Variants in LRRC4C observed in about 807,000 individuals in gnomAD.
LRRC4C encodes leucine rich repeat containing 4C, also known as leucine-rich repeat-containing protein 4C.
Under a neutral mutation model 33.6 loss-of-function variants are expected in LRRC4C, and 5 were observed. The observed-to-expected ratio is 0.15, with a 90% CI of 0.08 to 0.31. The LOEUF is 0.31. LRRC4C is among the 10% of genes least tolerant of loss of function. The probability of loss-of-function intolerance (pLI) is 1.00; values close to 1 mark genes in which losing one functional copy is unlikely to be tolerated. For synonymous variants in LRRC4C, 329 were observed against 302.0 expected, an observed-to-expected ratio of 1.09 and a Z score of -0.93; for missense variants, 560 against 796.7, an observed-to-expected ratio of 0.70 and a Z score of 3.58.
At chr11:40,317,590 A>G (rs1438346501) in intron 4 of LRRC4C, among the ~76,000 whole-genome samples, 2 of 152,054 alleles carry the variant, frequency 1.3e-5, no homozygotes, top group Non-Finnish European at 2.9e-5. Flanking sequence ...ATGCCCTTCT[A>G]TGTGTTTCAT....
At chr11:40,943,916 G>C (rs1002634222) in intron 1 of LRRC4C, among the ~76,000 whole-genome samples, 1 of 152,142 alleles carries the variant, frequency 6.6e-6, no homozygotes, top group Non-Finnish European at 1.5e-5. Context: ...CCAGAAAAAA[G>C]ACTGACTTGA....
At chr11:40,358,615 C>G (rs1447283012) in intron 3 of LRRC4C, among the ~76,000 whole-genome samples, 1 of 152,108 alleles carries the variant, frequency 6.6e-6, no homozygotes, top group Non-Finnish European at 1.5e-5. Flanking sequence ...GTCTCCTATA[C>G]TAAGCTGCCT....
At chr11:41,198,857 TTTACTGAACAG>T (rs1273641353) in intron 1 of LRRC4C, among the ~76,000 whole-genome samples, 2 of 152,084 alleles carry the variant, frequency 1.3e-5, no homozygotes. Flanking sequence ...GAATGCTATA[TTTACTGAACAG>T]TTAGTGAACT....
intron 2 of LRRC4C, among the ~76,000 whole-genome samples, chr11:40,725,862 A>AG (rs1947268685): frequency 1.3e-5 from 2 of 152,196 alleles, no homozygotes; most frequent in Admixed American, 1.3e-4. Flanking sequence ...CAAGCCTATT[A>AG]CATCTTGCCT....
chr11:41,442,468 T>TTTTTTC (rs1955658393), intron 1 of LRRC4C, among the ~76,000 whole-genome samples: 2 of 106,534 alleles, frequency 1.9e-5, no homozygotes, highest in African/African-American at 7.5e-5. Context: ...CTTTTTTTTT[T>TTTTTTC]TTTTTTTTTT....
At chr11:40,226,333 A>G (rs1203721956) in intron 5 of LRRC4C, among the ~76,000 whole-genome samples, 1 of 152,190 alleles carries the variant, frequency 6.6e-6, no homozygotes, top group Non-Finnish European at 1.5e-5. Flanking sequence ...GAAAGGCTCT[A>G]TATACTTCCT....
intron 3 of LRRC4C, chr11:40,446,699 A>G (rs1489317311): frequency 6.6e-6 from 1 of 152,212 alleles, no homozygotes; most frequent in African/African-American, 2.4e-5. Flanking sequence ...GAAACTTAAC[A>G]ATCGTGGTGG....
chr11:40,788,559 C>T (rs945832024), intron 2 of LRRC4C, among the ~76,000 whole-genome samples: 2 of 152,174 alleles, frequency 1.3e-5, no homozygotes. Context: ...CTGTTTCTGG[C>T]AATTGAATAA....
At chr11:41,111,253 A>G (rs1941813611) in intron 1 of LRRC4C, among the ~76,000 whole-genome samples, 1 of 152,070 alleles carries the variant, frequency 6.6e-6, no homozygotes, top group Admixed American at 6.6e-5. Flanking sequence ...TACTCTTTAC[A>G]ACTTCTTGAT....
chr11:40,932,921 G>C (rs914640710), intron 2 of LRRC4C, among the ~76,000 whole-genome samples: 2 of 152,164 alleles, frequency 1.3e-5, no homozygotes, highest in Non-Finnish European at 2.9e-5. Flanking sequence ...CATGATTCTT[G>C]CCTGCATAGA....
intron 3 of LRRC4C, among the ~76,000 whole-genome samples, chr11:40,336,508 GCCA>G (rs934629326): frequency 1.3e-5 from 2 of 152,140 alleles, no homozygotes; most frequent in African/African-American, 4.8e-5. Context: ...TCTCACTGCT[GCCA>G]CCAAGGTTCA....
At chr11:40,563,614 A>G (rs936156180) in intron 3 of LRRC4C, among the ~76,000 whole-genome samples, 1 of 152,176 alleles carries the variant, frequency 6.6e-6, no homozygotes, top group African/African-American at 2.4e-5. Flanking sequence ...GATATAAAGT[A>G]CATGGGCTAA....
rs573995151 is a variant in LRRC4C, at chr11:41,161,053, A to G, written c.-495-227330T>C. 2.6e-5 allele frequency among the ~76,000 whole-genome samples: 4 copies of G among 152,300 alleles called. No homozygotes were observed. The South Asian group carries it at 8.3e-4, about 32-fold the overall frequency. ...CATCTAAACAGAGCAGCAGTTCTGT[A>G]GAAGACTAATAAACCATGTGTTTCC... On this transcript the variant is annotated intron_variant, in intron 1 of 6. Transcript: ENST00000528697.
At chr11:41,280,240 A>G (rs1312860054) in intron 1 of LRRC4C, among the ~76,000 whole-genome samples, 2 of 152,166 alleles carry the variant, frequency 1.3e-5, no homozygotes, top group Non-Finnish European at 2.9e-5. Flanking sequence ...TCTCACCACG[A>G]AAGTCAGGCT....
Position 41,182,292 on chromosome 11 carries a change from C to T in LRRC4C, c.-495-248569G>A, listed in dbSNP as rs74747304. Among the ~76,000 whole-genome samples the T allele has an allele frequency of 8.7e-3, 1,324 of 152,188 alleles. 16 individuals are homozygous for T. The highest frequency in any genetic ancestry group is 0.03 in the African/African-American group (1,246 of 41,536). ...GTGTTCACTCATGTGATTGTACATT[C>T]CAGTGAAAATACCTGAAACCATAAG... is the stretch of plus-strand genomic sequence containing the variant. On this transcript the variant is annotated intron_variant, in intron 1 of 6. Coordinates refer to ENST00000528697, the MANE Select transcript of LRRC4C (RefSeq NM_001258419.2).
intron 2 of LRRC4C, among the ~76,000 whole-genome samples, chr11:40,677,873 A>T (rs1490760411): frequency 6.6e-6 from 1 of 152,140 alleles, no homozygotes; most frequent in Non-Finnish European, 1.5e-5. Context: ...CTGCTTCCTG[A>T]AATACAGCAT....
At chr11:40,538,497 G>A (rs908237793) in intron 3 of LRRC4C, among the ~76,000 whole-genome samples, 1 of 152,138 alleles carries the variant, frequency 6.6e-6, no homozygotes, top group Non-Finnish European at 1.5e-5. Flanking sequence ...ATTCCATGGT[G>A]TATATGTGCC....
intron 1 of LRRC4C, among the ~76,000 whole-genome samples, chr11:41,214,834 G>C (rs1017796545): frequency 1.5e-4 from 22 of 145,850 alleles, no homozygotes; most frequent in African/African-American, 5.3e-4. Flanking sequence ...TTATATATAT[G>C]TATATATAAA....
At chr11:41,202,353 A>G (rs910498079) in intron 1 of LRRC4C, among the ~76,000 whole-genome samples, 1 of 152,196 alleles carries the variant, frequency 6.6e-6, no homozygotes, top group Non-Finnish European at 1.5e-5. Context: ...CAGCTCATCA[A>G]TTTAAAAGGG....
Sources: allele counts gnomAD v4.1 joint callset (sites outside exome capture counted in the v4.1 genomes callset), GRCh38; gene constraint gnomAD v4.1.1; transcripts MANE v1.5; gene names NCBI Gene and HGNC (gene_info 2026-07-23, HGNC 2026-07-21).